Variants in CACNA2D3 observed in about 807,000 individuals in gnomAD.
CACNA2D3 encodes the protein calcium voltage-gated channel auxiliary subunit alpha2delta 3, also known as voltage-dependent calcium channel subunit alpha-2/delta-3.
A neutral mutation model predicts 160.6 loss-of-function variants in CACNA2D3; 60 were observed. That is an observed-to-expected ratio of 0.37 (90% CI 0.30 to 0.46). CACNA2D3 has a LOEUF of 0.46. Among genes scored for constraint, CACNA2D3 ranks in the 20% least tolerant of loss-of-function variants. The pLI is 1.00. For missense variants in CACNA2D3, 1,205 were observed against 1,365.0 expected (o/e 0.88, Z 1.85); for synonymous variants, 558 against 492.9 (o/e 1.13, Z -1.75).
At chr3:54,863,713 GT>G (rs77747315) in intron 17 of CACNA2D3, among the ~76,000 whole-genome samples, 46,335 of 150,326 alleles carry the variant, frequency 0.31, 7,652 homozygotes, top group East Asian at 0.43. Flanking sequence ...GTTAATTGTT[GT>G]TTTTTTTTAA....
intron 5 of CACNA2D3, among the ~76,000 whole-genome samples, chr3:54,504,840 A>G (rs192847083): frequency 6.6e-6 from 1 of 152,322 alleles, no homozygotes; most frequent in Admixed American, 6.5e-5. Context: ...AATAGGGATA[A>G]TGATGCTGCC....
intron 2 of CACNA2D3, among the ~76,000 whole-genome samples, chr3:54,178,779 G>A (rs1455518320): frequency 6.6e-6 from 1 of 152,134 alleles, no homozygotes; most frequent in East Asian, 1.9e-4. Context: ...GATGAAATGG[G>A]ATGGATGAAT....
At chr3:54,374,625 C>T (rs914781291) in intron 3 of CACNA2D3, among the ~76,000 whole-genome samples, 1 of 152,182 alleles carries the variant, frequency 6.6e-6, no homozygotes, top group Non-Finnish European at 1.5e-5. Context: ...AGCTCAGCTC[C>T]TTCTCTGGTT....
chr3:54,357,548 G>A (rs1159011767), intron 3 of CACNA2D3, among the ~76,000 whole-genome samples: 1 of 152,190 alleles, frequency 6.6e-6, no homozygotes, highest in Non-Finnish European at 1.5e-5. Flanking sequence ...CTTACCATAT[G>A]ATCCAGCAAT....
Position 54,583,491 on chromosome 3 carries a change from C to T in CACNA2D3, c.963+1614C>T, listed in dbSNP as rs368275579. 1.9e-4 allele frequency among the ~76,000 whole-genome samples: 29 copies of T among 152,264 alleles called. No individual in the cohort carries two copies. The East Asian group carries it at 3.1e-3, about 16-fold the overall frequency. On this transcript the variant is annotated intron_variant, in intron 9 of 37. Transcript: ENST00000474759. The stretch of plus-strand genomic sequence containing the variant: ...TATAACTGAGAAGCCCTAGACATAA[C>T]GCAACAAACAAGTATAGGTTGAGTA...
At chr3:54,605,732 A>G (rs903770035) in intron 9 of CACNA2D3, among the ~76,000 whole-genome samples, 2 of 152,206 alleles carry the variant, frequency 1.3e-5, no homozygotes, top group African/African-American at 4.8e-5. Flanking sequence ...CCAGAAAAGC[A>G]TGTGCCAGTC....
chr3:54,916,927 G>C (rs904702750), intron 27 of CACNA2D3, among the ~76,000 whole-genome samples: 12 of 152,206 alleles, frequency 7.9e-5, no homozygotes, highest in Admixed American at 3.9e-4. Context: ...TAAGGCATCT[G>C]TGGTGCTGAG....
At chr3:54,444,453 A>G (rs1364682829) in intron 4 of CACNA2D3, among the ~76,000 whole-genome samples, 4 of 152,140 alleles carry the variant, frequency 2.6e-5, no homozygotes, top group Non-Finnish European at 4.4e-5. Context: ...TTTGCTTGCA[A>G]CCAAAGAACC....
At chr3:54,393,322 C>G (rs1699314885) in intron 4 of CACNA2D3, among the ~76,000 whole-genome samples, 1 of 152,188 alleles carries the variant, frequency 6.6e-6, no homozygotes, top group African/African-American at 2.4e-5. Flanking sequence ...TGCACTTTCC[C>G]CAGAGAAGCA....
At chr3:54,481,974 T>G (rs917525111) in intron 4 of CACNA2D3, among the ~76,000 whole-genome samples, 4 of 152,258 alleles carry the variant, frequency 2.6e-5, no homozygotes, top group African/African-American at 9.6e-5. Context: ...TTTACGTTCC[T>G]TTGGGTTTCA....
chr3:54,738,425 G>A lies in CACNA2D3; in HGVS notation c.1168-14174G>A, dbSNP rs184930708. Among the ~76,000 whole-genome samples the A allele has an allele frequency of 4.2e-3, 638 of 152,270 alleles. 6 individuals are homozygous for A. The highest frequency in any genetic ancestry group is 0.015 in the African/African-American group (603 of 41,552). On this transcript the variant is annotated intron_variant, in intron 11 of 37. Coordinates refer to ENST00000474759, the MANE Select transcript of CACNA2D3 (RefSeq NM_018398.3). ...TCAGTCCCTAGTCTCCCAACTGAAG[G>A]AAACATTTTGAAAAAGTCAACTCAG...
intron 4 of CACNA2D3, among the ~76,000 whole-genome samples, chr3:54,442,637 G>A (rs1266085867): frequency 6.6e-6 from 1 of 152,212 alleles, no homozygotes; most frequent in Non-Finnish European, 1.5e-5. Flanking sequence ...TATTCATGTA[G>A]CAGCATCAAA....
chr3:54,240,930 C>G (rs984839752), intron 2 of CACNA2D3, among the ~76,000 whole-genome samples: 2 of 151,922 alleles, frequency 1.3e-5, no homozygotes, highest in African/African-American at 4.8e-5. Context: ...TGAGTAGAGA[C>G]GGGTTTCACC....
chr3:54,576,312 G>C (rs1190991541), intron 8 of CACNA2D3, among the ~76,000 whole-genome samples: 3 of 152,186 alleles, frequency 2.0e-5, no homozygotes, highest in African/African-American at 7.2e-5. Context: ...ACCTGAGCCT[G>C]TGTATGCTGG....
chr3:54,261,348 G>T (rs939872111), intron 2 of CACNA2D3, among the ~76,000 whole-genome samples: 13 of 152,062 alleles, frequency 8.5e-5, no homozygotes, highest in Non-Finnish European at 1.8e-4. Context: ...ATTCCTTCTT[G>T]GCGCTTGTTA....
intron 3 of CACNA2D3, among the ~76,000 whole-genome samples, chr3:54,380,460 C>T (rs541125313): frequency 2.3e-4 from 35 of 152,304 alleles, no homozygotes; most frequent in African/African-American, 4.1e-4. Context: ...AAAAGCCAGC[C>T]GGGTGCGGTG....
At chr3:54,958,383 A>G (rs980672417) in intron 27 of CACNA2D3, among the ~76,000 whole-genome samples, 6 of 152,104 alleles carry the variant, frequency 3.9e-5, no homozygotes, top group Non-Finnish European at 1.5e-5. Context: ...ACAGAGCAAG[A>G]CCCCACCTCT....
intron 2 of CACNA2D3, among the ~76,000 whole-genome samples, chr3:54,276,062 TTCTTTC>T (rs1391027398): frequency 1.3e-5 from 2 of 152,180 alleles, no homozygotes; most frequent in African/African-American, 4.8e-5. Context: ...CAGGGTTGGA[TTCTTTC>T]TCTGACATCC....
At chr3:54,491,687 A>G (rs1387781940) in intron 4 of CACNA2D3, among the ~76,000 whole-genome samples, 2 of 152,180 alleles carry the variant, frequency 1.3e-5, no homozygotes, top group Admixed American at 6.5e-5. Context: ...GTTGTATTGG[A>G]ACACAGCCAC....
Sources: allele counts gnomAD v4.1 joint callset (sites outside exome capture counted in the v4.1 genomes callset), GRCh38; gene constraint gnomAD v4.1.1; transcripts MANE v1.5; gene names NCBI Gene and HGNC (gene_info 2026-07-23, HGNC 2026-07-21).